The following SNX29 variants were observed in gnomAD, a reference collection of about 807,000 sequenced individuals.
SNX29 encodes sorting nexin-29.
A neutral mutation model predicts 102.1 loss-of-function variants in SNX29; 78 were observed. The ratio of observed to expected loss-of-function variants is 0.76; its 90% CI spans 0.64 to 0.92. The LOEUF (loss-of-function observed/expected upper bound fraction) is 0.92. Ranked by LOEUF, SNX29 falls within the 40% of genes least tolerant of loss-of-function variation. The pLI is 0.00. For synonymous variants in SNX29, 580 were observed against 414.5 expected, an observed-to-expected ratio of 1.40 and a Z score of -4.85; for missense variants, 1,280 against 1,061.7, an observed-to-expected ratio of 1.21 and a Z score of -2.86.
At chr16:12,299,320 T>G (rs944490487) in intron 15 of SNX29, among the ~76,000 whole-genome samples, 10 of 152,170 alleles carry the variant, frequency 6.6e-5, no homozygotes, top group Non-Finnish European at 1.3e-4. Context: ...AATTACAAAT[T>G]TATGTATTTA....
At chr16:12,439,715 G>A (rs1349993358) in intron 18 of SNX29, among the ~76,000 whole-genome samples, 1 of 151,778 alleles carries the variant, frequency 6.6e-6, no homozygotes, top group African/African-American at 2.4e-5. Context: ...TTGGGGTGGG[G>A]ACACAGCTAA....
At chr16:12,350,616 A>G (rs1220824126) in intron 15 of SNX29, among the ~76,000 whole-genome samples, 1 of 152,154 alleles carries the variant, frequency 6.6e-6, no homozygotes, top group African/African-American at 2.4e-5. Context: ...GAGAGGTGAC[A>G]AGTGGAGGAG....
intron 15 of SNX29, among the ~76,000 whole-genome samples, chr16:12,316,846 G>A (rs941400987): frequency 3.9e-5 from 6 of 152,184 alleles, no homozygotes; most frequent in Admixed American, 1.3e-4. Context: ...GAAGGTGGTG[G>A]AAAGTGAAAT....
intron 2 of SNX29, chr16:12,000,338 G>C (rs769023857): frequency 6.6e-6 from 1 of 152,152 alleles, no homozygotes. Flanking sequence ...TTCATTTTAC[G>C]GATGAAGAGA....
chr16:12,344,424 A>G (rs2081718836), intron 15 of SNX29, among the ~76,000 whole-genome samples: 1 of 152,172 alleles, frequency 6.6e-6, no homozygotes, highest in Non-Finnish European at 1.5e-5. Context: ...ACCACTAGCT[A>G]GAATATAGAA....
intron 13 of SNX29, among the ~76,000 whole-genome samples, chr16:12,196,526 A>G (rs1399833874): frequency 3.9e-5 from 6 of 152,104 alleles, no homozygotes; most frequent in African/African-American, 7.2e-5. Context: ...ATAGCTAGCA[A>G]GGAGGGATTT....
intron 14 of SNX29, among the ~76,000 whole-genome samples, chr16:12,206,814 G>GTTTT (rs71139583): frequency 0.21 from 25,583 of 121,312 alleles, 3,507 homozygotes; most frequent in East Asian, 0.4. Flanking sequence ...GAATGAGGTG[G>GTTTT]TTTTTTTTTT....
At chr16:12,557,023 C>T (rs796647341) in intron 20 of SNX29, among the ~76,000 whole-genome samples, 3 of 120,902 alleles carry the variant, frequency 2.5e-5, no homozygotes, top group African/African-American at 6.0e-5. Flanking sequence ...TTACCCCCCC[C>T]CCGCCCCAAG....
intron 19 of SNX29, among the ~76,000 whole-genome samples, chr16:12,494,431 G>A (rs1478122479): frequency 6.6e-6 from 1 of 152,206 alleles, no homozygotes; most frequent in Non-Finnish European, 1.5e-5. Context: ...TCTTGCGTCA[G>A]TGGAGGCTGG....
At chr16:12,541,168 C>A (rs2077318240) in intron 20 of SNX29, among the ~76,000 whole-genome samples, 1 of 152,114 alleles carries the variant, frequency 6.6e-6, no homozygotes, top group Non-Finnish European at 1.5e-5. Flanking sequence ...AGACCTGGAA[C>A]CTCTTCCTCA....
chr16:12,468,195 T>TA lies in SNX29; in HGVS notation c.2038-9523dup, dbSNP rs2087156595. 7.7e-5 allele frequency among the ~76,000 whole-genome samples: 8 copies of TA among 103,230 alleles called. 1 individual carries two copies. The highest frequency in any genetic ancestry group is 5.0e-4 in the East Asian group (2 of 4,012). 67.7% of individuals were successfully genotyped at this position (103,230 alleles called of 152,430 possible). On this transcript the variant is annotated intron_variant, in intron 18 of 20. Transcript: ENST00000566228. The stretch of plus-strand genomic sequence containing the variant: ...TTTTTTTTTTTTTTTTTTTTTTTTT[T>TA]AGGGGGAGTTTTACTGTTTCCCAGG...
intron 16 of SNX29, among the ~76,000 whole-genome samples, chr16:12,393,228 G>C (rs2083593431): frequency 6.6e-6 from 1 of 152,102 alleles, no homozygotes; most frequent in Non-Finnish European, 1.5e-5. Flanking sequence ...CTGAGAACCT[G>C]GTAATTAGAA....
At chr16:12,295,254 G>C (rs2079941104) in intron 15 of SNX29, among the ~76,000 whole-genome samples, 1 of 152,132 alleles carries the variant, frequency 6.6e-6, no homozygotes, top group Admixed American at 6.5e-5. Context: ...GACTTTCCTA[G>C]GATGACAGGC....
At chr16:12,341,798 G>C (rs2081618135) in intron 15 of SNX29, among the ~76,000 whole-genome samples, 1 of 152,192 alleles carries the variant, frequency 6.6e-6, no homozygotes, top group Non-Finnish European at 1.5e-5. Flanking sequence ...TTGTGCAGAG[G>C]GGGCTGGGAA....
chr16:12,341,067 C>T (rs1470152421), intron 15 of SNX29, among the ~76,000 whole-genome samples: 1 of 152,156 alleles, frequency 6.6e-6, no homozygotes, highest in Admixed American at 6.5e-5. Context: ...TGATAAAGGA[C>T]CAAGAAGAGT....
chr16:12,401,832 A>G (rs1372724049), intron 17 of SNX29, among the ~76,000 whole-genome samples: 1 of 152,184 alleles, frequency 6.6e-6, no homozygotes, highest in Non-Finnish European at 1.5e-5. Flanking sequence ...AGGATGAACA[A>G]ATGAACTAAC....
intron 19 of SNX29, among the ~76,000 whole-genome samples, chr16:12,515,143 C>A (rs2089808528): frequency 6.6e-6 from 1 of 152,088 alleles, no homozygotes; most frequent in Non-Finnish European, 1.5e-5. Context: ...GCTCCCTAAC[C>A]CCCATTCAGA....
At chr16:12,121,433 C>T (rs533647305) in intron 11 of SNX29, among the ~76,000 whole-genome samples, 12 of 152,374 alleles carry the variant, frequency 7.9e-5, no homozygotes, top group East Asian at 3.9e-4. Context: ...TGTGGCCATG[C>T]GGTCACTGCA....
chr16:12,032,458 G>C (rs2057371618), intron 4 of SNX29, among the ~76,000 whole-genome samples: 1 of 151,786 alleles, frequency 6.6e-6, no homozygotes, highest in Non-Finnish European at 1.5e-5. Flanking sequence ...CACCCACCTC[G>C]GCCTCCCAAA....
Sources: allele counts gnomAD v4.1 joint callset (sites outside exome capture counted in the v4.1 genomes callset), GRCh38; gene constraint gnomAD v4.1.1; transcripts MANE v1.5; gene names NCBI Gene and HGNC (gene_info 2026-07-23, HGNC 2026-07-21).